Variants in DYDC2 observed in about 807,000 individuals in gnomAD.
The protein encoded by DYDC2 is DPY30 domain-containing protein 2.
A neutral mutation model predicts 18.7 loss-of-function variants in DYDC2; 19 were observed. The ratio of observed to expected loss-of-function variants is 1.02; its 90% CI spans 0.71 to 1.49. DYDC2 has a LOEUF of 1.49. Ranked by LOEUF, DYDC2 falls within the 40% of genes most tolerant of loss-of-function variation. The pLI, the probability that DYDC2 is intolerant of heterozygous loss-of-function variation, is 0.00. For missense variants in DYDC2, 179 were observed against 205.1 expected, an observed-to-expected ratio of 0.87 and a Z score of 0.78; for synonymous variants, 63 against 67.6, an observed-to-expected ratio of 0.93 and a Z score of 0.34.
chr10:80,346,550 T>G (rs1292266562), intron 1 of DYDC2, among the ~76,000 whole-genome samples: 1 of 143,192 alleles, frequency 7.0e-6, no homozygotes, highest in Non-Finnish European at 1.5e-5. Context: ...AAGCTCTACC[T>G]CCTGGGTTCA....
intron 2 of DYDC2, among the ~76,000 whole-genome samples, chr10:80,359,415 C>G (rs539351821): frequency 6.6e-6 from 1 of 152,376 alleles, no homozygotes; most frequent in East Asian, 1.9e-4. Context: ...CCACTAGACT[C>G]AGGAGCCCAA....
At position 80,366,760 on chromosome 10, in the gene DYDC2, G is replaced by C; in HGVS notation, c.343G>C (p.Glu115Gln). 1.2e-6 allele frequency: 2 copies of C among 1,614,122 alleles called. No individual in the cohort carries two copies. Among genetic ancestry groups the C allele is most frequent in the Non-Finnish European group, 1.7e-6 (2 of 1,179,996 alleles). The stretch of plus-strand genomic sequence containing the variant: ...GGAGGACACAAACCCCCTTGAGAAG[G>C]AGGCCTTGAAGCAGGAATTCCTGCC... ...MQEDTNPLEK[E>Q]ALKQEFLPGT... is the part of the protein sequence containing the mutation. Residue 115 changes from glutamate (E) to glutamine (Q), a missense_variant, in exon 5 of 5, where the codon GAG (glutamate) becomes CAG (glutamine). By Grantham distance (29) the Glu-to-Gln change is conservative. Transcript: ENST00000256039.
chr10:80,362,335 A>G, intron 2 of DYDC2, 100 bp from the exon 3 acceptor site: 3 of 1,471,622 alleles, frequency 2.0e-6, no homozygotes, highest in Non-Finnish European at 2.7e-6. Context: ...GAAGCATCTC[A>G]TATTTATCCT....
chr10:80,348,203 T>C (rs1842782806), intron 1 of DYDC2, among the ~76,000 whole-genome samples: 1 of 152,254 alleles, frequency 6.6e-6, no homozygotes, highest in Non-Finnish European at 1.5e-5. Flanking sequence ...CGTATATTAT[T>C]CTTTTTGAAG....
chr10:80,357,502 G>A (rs1843455217), intron 1 of DYDC2, among the ~76,000 whole-genome samples: 1 of 152,140 alleles, frequency 6.6e-6, no homozygotes, highest in African/African-American at 2.4e-5. Flanking sequence ...GCAGCCAATC[G>A]GAAAAGGGTG....
At chr10:80,361,975 GT>G (rs1292611327) in intron 2 of DYDC2, among the ~76,000 whole-genome samples, 1 of 152,126 alleles carries the variant, frequency 6.6e-6, no homozygotes, top group Non-Finnish European at 1.5e-5. Flanking sequence ...CTACTGAAGT[GT>G]TTTGGTTTCA....
In DYDC2 at chr10:80,363,089, C is replaced by G; in HGVS notation, c.270+16C>G. Reference sequence around the variant, plus strand: ...GTGTCACAAGGTAGGGAGAAGGACTCAGCTTTGGGTTGCCACACACATCCC... The same window carrying G: ...GTGTCACAAGGTAGGGAGAAGGACTGAGCTTTGGGTTGCCACACACATCCC... On this transcript the variant is annotated intron_variant, in intron 4 of 4. Coordinates refer to ENST00000256039, the MANE Select transcript of DYDC2 (RefSeq NM_032372.6). 6.2e-7 allele frequency: 1 copy of G among 1,605,526 alleles called. No individual in the cohort carries two copies. The highest frequency in any genetic ancestry group is 8.5e-7 in the Non-Finnish European group (1 of 1,176,206).
At chr10:80,358,854 T>A (rs1276514409) in intron 2 of DYDC2, among the ~76,000 whole-genome samples, 1 of 152,048 alleles carries the variant, frequency 6.6e-6, no homozygotes, top group Non-Finnish European at 1.5e-5. Context: ...GTGTCCAGAG[T>A]TCGTTCCTTT....
chr10:80,351,225 C>G (rs1031772850), intron 1 of DYDC2, among the ~76,000 whole-genome samples: 2 of 152,072 alleles, frequency 1.3e-5, no homozygotes, highest in Admixed American at 1.3e-4. Context: ...GTGCTTCCAC[C>G]AACACCATTC....
upstream of DYDC2, among the ~76,000 whole-genome samples, chr10:80,353,688 G>A (rs1843151998): frequency 6.6e-6 from 1 of 151,536 alleles, no homozygotes; most frequent in Admixed American, 6.6e-5. Flanking sequence ...TCTGCCAGCT[G>A]TGTGATCCTG....
chr10:80,361,054 T>C (rs1025308539), intron 2 of DYDC2, among the ~76,000 whole-genome samples: 1 of 152,168 alleles, frequency 6.6e-6, no homozygotes, highest in African/African-American at 2.4e-5. Flanking sequence ...TTTATAGGCG[T>C]GCACCACCAT....
At chr10:80,362,674 C>A in intron 3 of DYDC2, 84 bp downstream of exon 3, 1 of 1,512,878 alleles carries the variant, frequency 6.6e-7, no homozygotes. Flanking sequence ...GATTCTGGAG[C>A]TGGCCTGGGG....
chr10:80,357,043 G>A (rs1843421917), intron 1 of DYDC2, among the ~76,000 whole-genome samples: 1 of 143,106 alleles, frequency 7.0e-6, no homozygotes, highest in South Asian at 2.4e-4. Flanking sequence ...CCGGCAGAGA[G>A]AAGGGGTCGT....
upstream of DYDC2, among the ~76,000 whole-genome samples, chr10:80,354,925 C>T (rs1843266834): frequency 6.6e-6 from 1 of 151,848 alleles, no homozygotes; most frequent in Non-Finnish European, 1.5e-5. Flanking sequence ...ACAGTCTCTG[C>T]CTTCATGGAG....
chr10:80,366,760 G>A lies in DYDC2; in HGVS notation c.343G>A (p.Glu115Lys), dbSNP rs750910668. Residue 115 changes from glutamate to lysine, a missense_variant, in exon 5 of 5, where the codon GAG (glutamate) becomes AAG (lysine). Glu to Lys is a moderately conservative substitution (Grantham distance 56). Coordinates refer to ENST00000256039, the MANE Select transcript of DYDC2 (RefSeq NM_032372.6). ...MQEDTNPLEK[E>K]ALKQEFLPGT... ...GGAGGACACAAACCCCCTTGAGAAG[G>A]AGGCCTTGAAGCAGGAATTCCTGCC... 27 of 1,614,004 alleles carry A rather than the reference G, an allele frequency of 1.7e-5. No homozygotes were observed. Among genetic ancestry groups the A allele is most frequent in the Non-Finnish European group, 2.3e-5 (27 of 1,180,004 alleles).
At chr10:80,352,049 C>T (rs755385591), upstream of DYDC2, 85 of 1,584,318 alleles carry the variant, frequency 5.4e-5, no homozygotes, top group Non-Finnish European at 1.1e-5. Context: ...AGCGAGAAAG[C>T]AATTTGTAAA....
chr10:80,352,479 C>T (rs201318195), upstream of DYDC2: 10 of 1,609,330 alleles, frequency 6.2e-6, no homozygotes, highest in African/African-American at 1.3e-5. Context: ...TCACATTTTC[C>T]TTATACTTGT....
chr10:80,356,475 G>A (rs868394875), upstream of DYDC2: 1 of 985,342 alleles, frequency 1.0e-6, no homozygotes, highest in Non-Finnish European at 1.2e-6. Flanking sequence ...TTTCCCACCC[G>A]GGAGTCTGGA....
At chr10:80,356,552 C>T (rs1166673070), upstream of DYDC2, 13 of 985,390 alleles carry the variant, frequency 1.3e-5, no homozygotes, top group Non-Finnish European at 1.4e-5. Flanking sequence ...GACAGCTGGC[C>T]GCTTTCGGGA....
Sources: gnomAD v4.1 joint callset for allele counts (sites outside exome capture counted in the v4.1 genomes callset) on GRCh38, gnomAD v4.1.1 for gene constraint, MANE v1.5 for transcripts, NCBI Gene and HGNC (gene_info 2026-07-23, HGNC 2026-07-21) for gene names.